Variants in TPGS2 observed in about 807,000 individuals in gnomAD.
The protein encoded by TPGS2 is tubulin polyglutamylase complex subunit 2, also known as polyglutamylase subunit 2.
In TPGS2, 26 loss-of-function variants were observed where a neutral mutation model predicts 31.1. The observed-to-expected ratio is 0.84, with a 90% CI of 0.61 to 1.16. The LOEUF is 1.16. TPGS2 is among the 50% of genes most tolerant of loss of function. TPGS2 has a pLI of 0.00. For synonymous variants in TPGS2, 130 were observed against 136.6 expected (o/e 0.95, Z 0.34); for missense variants, 351 against 363.8 (o/e 0.96, Z 0.29).
intron 2 of TPGS2, among the ~76,000 whole-genome samples, chr18:36,813,693 C>G (rs910502820): frequency 1.3e-5 from 2 of 152,322 alleles, no homozygotes; most frequent in Admixed American, 1.3e-4. Context: ...CTTTTCTACA[C>G]ACTTGGCATG....
intron 6 of TPGS2, 133 bp from the exon 7 acceptor site, chr18:36,797,183 C>T: frequency 3.3e-6 from 5 of 1,504,108 alleles, no homozygotes; most frequent in Non-Finnish European, 4.4e-6. Context: ...GCCTAAAAAT[C>T]TATTTGCTCT....
intron 1 of TPGS2, among the ~76,000 whole-genome samples, chr18:36,823,132 T>C (rs796215519): frequency 6.6e-5 from 10 of 152,352 alleles, no homozygotes; most frequent in African/African-American, 2.4e-4. Flanking sequence ...CTCACAAGCC[T>C]GGCACGGCAT....
downstream of TPGS2, among the ~76,000 whole-genome samples, chr18:36,781,205 G>A (rs2044003571): frequency 6.6e-6 from 1 of 152,322 alleles, no homozygotes; most frequent in South Asian, 2.1e-4. Context: ...CCAGATGGTG[G>A]TCATACCCTC....
chr18:36,813,629 C>A (rs2045526344), intron 2 of TPGS2, among the ~76,000 whole-genome samples: 1 of 152,218 alleles, frequency 6.6e-6, no homozygotes, highest in Non-Finnish European at 1.5e-5. Context: ...AACGCCAGAG[C>A]ATAAACTATC....
intron 1 of TPGS2, chr18:36,823,740 G>A (rs2046008299): frequency 6.4e-6 from 5 of 778,942 alleles, no homozygotes; most frequent in Non-Finnish European, 7.8e-6. Context: ...GATTACAGGC[G>A]TGAGCCACCG....
chr18:36,805,944 C>T (rs2045105735), intron 3 of TPGS2: 1 of 79,280 alleles, frequency 1.3e-5, no homozygotes, highest in African/African-American at 7.5e-5. Context: ...TATAAGCTTT[C>T]ATGATTAAAA....
At chr18:36,809,529 A>C (rs1363301186) in intron 2 of TPGS2, among the ~76,000 whole-genome samples, 1 of 152,160 alleles carries the variant, frequency 6.6e-6, no homozygotes, top group Non-Finnish European at 1.5e-5. Context: ...GACTCCTTGG[A>C]CTAATTTGTT....
At chr18:36,821,405 C>G (rs957373931) in intron 1 of TPGS2, among the ~76,000 whole-genome samples, 1 of 152,108 alleles carries the variant, frequency 6.6e-6, no homozygotes, top group Non-Finnish European at 1.5e-5. Context: ...ATCCACAGAA[C>G]TGGGAGAGAC....
intron 6 of TPGS2, among the ~76,000 whole-genome samples, chr18:36,786,218 TGATA>T (rs2044121938): frequency 6.6e-6 from 1 of 152,102 alleles, no homozygotes; most frequent in Non-Finnish European, 1.5e-5. Flanking sequence ...TGGTTATGGC[TGATA>T]GAATAAGGGG....
rs747720769 is a variant in TPGS2 at position 36,805,512 on chromosome 18, C to A, written c.254-10G>T. 4 of 1,613,782 alleles carry A rather than the reference C, an allele frequency of 2.5e-6. No individual in the cohort carries two copies. Among genetic ancestry groups the A allele is most frequent in the Non-Finnish European group, 3.4e-6 (4 of 1,179,876 alleles). On this transcript the variant is annotated splice_polypyrimidine_tract_variant and intron_variant, in intron 3 of 6. Transcript: ENST00000334295. ...AGTGGAATGATGTGCTCTAGGGGAA[C>A]ATGCGTTAAGGAGAATTACATGGAG...
intron 5 of TPGS2, among the ~76,000 whole-genome samples, chr18:36,799,444 T>C (rs930937396): frequency 6.6e-6 from 1 of 152,170 alleles, no homozygotes; most frequent in Admixed American, 6.5e-5. Flanking sequence ...CACAAATCAA[T>C]TGTACTTTCC....
chr18:36,789,581 A>G (rs997154809), downstream of TPGS2: 1 of 152,188 alleles, frequency 6.6e-6, no homozygotes, highest in African/African-American at 2.4e-5. Flanking sequence ...TTTGTATAAA[A>G]TTGCTTTGGA....
At chr18:36,817,248 G>T (rs1338648947) in intron 2 of TPGS2, among the ~76,000 whole-genome samples, 1 of 152,156 alleles carries the variant, frequency 6.6e-6, no homozygotes, top group Non-Finnish European at 1.5e-5. Flanking sequence ...TCAGCCCAGG[G>T]AGGGGAGTCA....
chr18:36,786,878 AT>A (rs1242444387), intron 6 of TPGS2: 13 of 1,234,344 alleles, frequency 1.1e-5, no homozygotes, highest in Non-Finnish European at 1.1e-5. Flanking sequence ...CTGAGGAATG[AT>A]TGCGACACTG....
rs968013927 is a variant in TPGS2 at position 36,794,583 on chromosome 18, G to A, written c.*2222C>T. On this transcript the variant is annotated 3_prime_UTR_variant, in exon 7 of 7. Transcript: ENST00000334295. ...CTCCCTTCTAACCTCGCTTGTCTTG[G>A]AGAAGCAGCCAAATGCTAGAATCTC... 3.6e-5 allele frequency: 35 copies of A among 985,332 alleles called. No homozygotes were observed. The highest frequency in any genetic ancestry group is 4.0e-5 in the Non-Finnish European group (33 of 829,916). 61.0% of individuals were successfully genotyped at this position (985,332 alleles called of 1,614,324 possible). A position where few individuals can be genotyped will look rare whatever the true frequency, so the allele number is the denominator to read the frequency against.
chr18:36,827,373 G>A (rs1044631177), intron 1 of TPGS2, among the ~76,000 whole-genome samples: 2 of 152,228 alleles, frequency 1.3e-5, no homozygotes, highest in Non-Finnish European at 2.9e-5. Context: ...ATTCAGGGAA[G>A]GTTTCTCTGA....
At chr18:36,807,596 C>T (rs1451540989) in intron 3 of TPGS2, 1 of 533,308 alleles carries the variant, frequency 1.9e-6, no homozygotes. Flanking sequence ...TTTCTCTACC[C>T]TATTCCTACA....
Position 36,796,218 on chromosome 18 carries a change from C to CAACAA in TPGS2, c.*582_*586dup. On this transcript the variant is annotated 3_prime_UTR_variant, in exon 7 of 7. Coordinates refer to ENST00000334295, the MANE Select transcript of TPGS2 (RefSeq NM_015476.4). ...CATCCAATGAAGACATCAACATTAA[C>CAACAA]AACAAAAATTAATTGAGGAAGAGCA... is the stretch of plus-strand genomic sequence containing the variant. The CAACAA allele has an allele frequency of 2.0e-6, 2 of 985,336 alleles. No homozygotes were observed. The highest frequency in any genetic ancestry group is 2.4e-6 in the Non-Finnish European group (2 of 829,912). The allele number at this position is 985,336 out of a possible 1,614,324, so 61.0% of individuals were successfully genotyped here.
At chr18:36,809,563 C>T (rs1209396228) in intron 2 of TPGS2, among the ~76,000 whole-genome samples, 1 of 152,182 alleles carries the variant, frequency 6.6e-6, no homozygotes, top group African/African-American at 2.4e-5. Flanking sequence ...GAGTAATGGG[C>T]TTGCTCCTAG....
Sources: allele counts gnomAD v4.1 joint callset (sites outside exome capture counted in the v4.1 genomes callset), GRCh38; gene constraint gnomAD v4.1.1; transcripts MANE v1.5; gene names NCBI Gene and HGNC (gene_info 2026-07-23, HGNC 2026-07-21).